The following PTPRT variants were observed in gnomAD, a reference collection of about 807,000 sequenced individuals.
PTPRT encodes the protein protein tyrosine phosphatase receptor type T.
A neutral mutation model predicts 176.8 loss-of-function variants in PTPRT; 56 were observed. That is an observed-to-expected ratio of 0.32 (90% CI 0.26 to 0.40). The LOEUF (loss-of-function observed/expected upper bound fraction) is 0.40. Ranked by LOEUF, PTPRT falls within the 10% of genes least tolerant of loss-of-function variation. The probability of loss-of-function intolerance (pLI) is 1.00; values close to 1 mark genes in which losing one functional copy is unlikely to be tolerated. For synonymous variants in PTPRT, 783 were observed against 739.0 expected (o/e 1.06, Z -0.96); for missense variants, 1,540 against 1,908.2 (o/e 0.81, Z 3.60).
intron 15 of PTPRT, among the ~76,000 whole-genome samples, chr20:42,206,952 T>G (rs1018872514): frequency 2.2e-3 from 337 of 151,818 alleles, no homozygotes; most frequent in Non-Finnish European, 3.6e-3. Flanking sequence ...TCTGAGAACC[T>G]GCAGACTGCC....
intron 16 of PTPRT, among the ~76,000 whole-genome samples, chr20:42,185,015 C>T (rs1038303703): frequency 2.0e-5 from 3 of 152,032 alleles, no homozygotes; most frequent in Admixed American, 2.0e-4. Context: ...TCGTGGCTTC[C>T]TCTCACCTAG....
chr20:42,265,810 C>T (rs574392431), intron 13 of PTPRT, among the ~76,000 whole-genome samples: 2 of 152,324 alleles, frequency 1.3e-5, no homozygotes, highest in South Asian at 4.1e-4. Context: ...ATCATCTTCT[C>T]TTGGCCCACA....
In PTPRT at chr20:42,084,478, T is replaced by C. The variant is rs1983670352; in HGVS notation, c.4136+204A>G. Reference sequence around the variant, plus strand: ...GGTTTTGCATCAATAATATGTCATATATTAGTTCAGGACAACAAACTGGCA... The same window carrying C: ...GGTTTTGCATCAATAATATGTCATACATTAGTTCAGGACAACAAACTGGCA... On this transcript the variant is annotated intron_variant, in intron 29 of 30. Coordinates refer to ENST00000373187, the MANE Select transcript of PTPRT (RefSeq NM_007050.6). Among the ~76,000 whole-genome samples the C allele has an allele frequency of 1.3e-5, 2 of 152,240 alleles. 1 individual carries two copies. Among genetic ancestry groups the C allele is most frequent in the South Asian group, 4.1e-4 (2 of 4,828 alleles).
rs377504800 is a variant in PTPRT at position 42,593,750 on chromosome 20, C to T, written c.1153+84116G>A. Among the ~76,000 whole-genome samples the T allele has an allele frequency of 5.9e-5, 9 of 152,310 alleles. No homozygotes were observed. The East Asian group carries it at 1.4e-3, about 23-fold the overall frequency. ...AAGAATCCAGTACCAGGAAGGGACACATTTTAAGCTATCTTGGAACTGTTT... is the reference window on the plus strand; with the variant it reads ...AAGAATCCAGTACCAGGAAGGGACATATTTTAAGCTATCTTGGAACTGTTT... On this transcript the variant is annotated intron_variant, in intron 7 of 30. Coordinates refer to ENST00000373187, the MANE Select transcript of PTPRT (RefSeq NM_007050.6).
intron 1 of PTPRT, among the ~76,000 whole-genome samples, chr20:42,910,375 G>C (rs1398876175): frequency 6.6e-6 from 1 of 152,160 alleles, no homozygotes; most frequent in African/African-American, 2.4e-5. Context: ...ACAGCAACCA[G>C]CTCAGTGGTA....
chr20:42,983,414 G>A (rs1210504159), intron 1 of PTPRT, among the ~76,000 whole-genome samples: 1 of 152,156 alleles, frequency 6.6e-6, no homozygotes, highest in African/African-American at 2.4e-5. Flanking sequence ...TCAACCCCAG[G>A]AAGCTGAGCA....
intron 7 of PTPRT, among the ~76,000 whole-genome samples, chr20:42,486,415 T>C (rs2071465278): frequency 6.6e-6 from 1 of 152,226 alleles, no homozygotes; most frequent in South Asian, 2.1e-4. Flanking sequence ...CTTGCTCAGA[T>C]ACTTGATGTT....
intron 7 of PTPRT, among the ~76,000 whole-genome samples, chr20:42,514,089 A>G (rs1050710006): frequency 7.2e-5 from 11 of 152,156 alleles, no homozygotes; most frequent in African/African-American, 2.7e-4. Flanking sequence ...CAAATTTGCT[A>G]GGAATGTTCT....
intron 24 of PTPRT, 75 bp downstream of exon 24, chr20:42,106,711 C>T (rs1430445891): frequency 2.6e-6 from 4 of 1,553,358 alleles, no homozygotes; most frequent in East Asian, 4.6e-5. Context: ...ACCTATGTGT[C>T]TCTCCGTTCT....
At chr20:42,375,322 C>T (rs946539458) in intron 9 of PTPRT, among the ~76,000 whole-genome samples, 13 of 152,104 alleles carry the variant, frequency 8.5e-5, no homozygotes, top group African/African-American at 1.9e-4. Flanking sequence ...AGGGGTGCCA[C>T]GGTGTAAATT....
intron 2 of PTPRT, among the ~76,000 whole-genome samples, chr20:42,849,026 A>G (rs1027123556): frequency 2.6e-5 from 4 of 152,156 alleles, no homozygotes; most frequent in Non-Finnish European, 5.9e-5. Flanking sequence ...TCATTCTCCT[A>G]CATGTGGCTT....
the PTPRT span, among the ~76,000 whole-genome samples, chr20:42,049,259 C>T: frequency 3.3e-5 from 5 of 152,202 alleles, no homozygotes; most frequent in East Asian, 1.9e-4. Context: ...CAATGCACAT[C>T]GAAGCTGCTG....
chr20:42,302,367 C>T (rs2057482270), intron 12 of PTPRT, among the ~76,000 whole-genome samples: 1 of 152,156 alleles, frequency 6.6e-6, no homozygotes, highest in Non-Finnish European at 1.5e-5. Context: ...CCGGAACCAA[C>T]ACCGGGATTG....
At chr20:42,687,659 C>A (rs1487377398) in intron 6 of PTPRT, 1 of 152,202 alleles carries the variant, frequency 6.6e-6, no homozygotes, top group African/African-American at 2.4e-5. Context: ...TTCAGGAGCA[C>A]CTTGTTCCAG....
intron 7 of PTPRT, among the ~76,000 whole-genome samples, chr20:42,475,208 C>T (rs2071268743): frequency 6.6e-6 from 1 of 152,144 alleles, no homozygotes; most frequent in Non-Finnish European, 1.5e-5. Flanking sequence ...CCCCACATTA[C>T]AGATGAATAA....
At chr20:42,820,005 T>A (rs1402934900) in intron 2 of PTPRT, among the ~76,000 whole-genome samples, 1 of 152,150 alleles carries the variant, frequency 6.6e-6, no homozygotes, top group East Asian at 1.9e-4. Flanking sequence ...ATTAGACAGA[T>A]CAATGAGACA....
At chr20:42,177,913 T>G (rs1010380950) in intron 16 of PTPRT, among the ~76,000 whole-genome samples, 6 of 150,860 alleles carry the variant, frequency 4.0e-5, no homozygotes, top group Non-Finnish European at 8.9e-5. Flanking sequence ...TCTCTCTCTT[T>G]CTCTCTCCTT....
intron 6 of PTPRT, among the ~76,000 whole-genome samples, chr20:42,707,813 A>T (rs574485052): frequency 6.6e-6 from 1 of 152,318 alleles, no homozygotes; most frequent in East Asian, 1.9e-4. Flanking sequence ...ATGAGCTTGA[A>T]GCAGATTTTT....
chr20:42,353,653 G>A (rs1177956650), intron 9 of PTPRT, among the ~76,000 whole-genome samples: 2 of 152,182 alleles, frequency 1.3e-5, no homozygotes, highest in Non-Finnish European at 2.9e-5. Context: ...CCCAGCACTG[G>A]TCCCACGGAT....
Sources: gnomAD v4.1 joint callset for allele counts (sites outside exome capture counted in the v4.1 genomes callset) on GRCh38, gnomAD v4.1.1 for gene constraint, MANE v1.5 for transcripts, NCBI Gene and HGNC (gene_info 2026-07-23, HGNC 2026-07-21) for gene names.